Variants in SEMA5B observed in about 807,000 individuals in gnomAD.
SEMA5B encodes the protein semaphorin 5B, also known as semaphorin-5B.
Under a neutral mutation model 135.0 loss-of-function variants are expected in SEMA5B, and 66 were observed. The ratio of observed to expected loss-of-function variants is 0.49; its 90% CI spans 0.40 to 0.60. The LOEUF is 0.60. SEMA5B is among the 20% of genes least tolerant of loss of function. SEMA5B has a pLI of 0.00. For synonymous variants in SEMA5B, 690 were observed against 639.5 expected, an observed-to-expected ratio of 1.08 and a Z score of -1.19; for missense variants, 1,501 against 1,566.3, an observed-to-expected ratio of 0.96 and a Z score of 0.70.
At chr3:122,979,801 A>G (rs2107676110) in intron 1 of SEMA5B, among the ~76,000 whole-genome samples, 1 of 152,280 alleles carries the variant, frequency 6.6e-6, no homozygotes, top group Admixed American at 6.5e-5. Context: ...TTTTGGCCAA[A>G]CCAGCATACA....
At position 122,945,656 on chromosome 3, in the gene SEMA5B, C is replaced by T. The variant is rs577972865; in HGVS notation, c.329-2121G>A. On this transcript the variant is annotated intron_variant, in intron 3 of 22. Transcript: ENST00000357599. ...GCAAGCACCTTAATTTCCTCCTTCC[C>T]TTTCAACAAGGGCATTCCAGATGTA... Among the ~76,000 whole-genome samples, 6 of 152,264 alleles carry T rather than the reference C, an allele frequency of 3.9e-5. No homozygotes were observed. In the South Asian group the frequency reaches 1.2e-3, roughly 32 times the overall value.
chr3:122,972,730 T>C (rs905947808), intron 1 of SEMA5B, among the ~76,000 whole-genome samples: 6 of 152,168 alleles, frequency 3.9e-5, no homozygotes, highest in African/African-American at 1.4e-4. Context: ...CCCCTTCATG[T>C]GGATGGGTCC....
intron 1 of SEMA5B, among the ~76,000 whole-genome samples, chr3:122,972,714 G>A (rs1941172023): frequency 1.3e-5 from 2 of 152,168 alleles, no homozygotes; most frequent in African/African-American, 2.4e-5. Context: ...CAGGAATCAT[G>A]CAAATCCCCT....
intron 1 of SEMA5B, among the ~76,000 whole-genome samples, chr3:122,992,284 G>C (rs1304046380): frequency 1.3e-5 from 2 of 152,224 alleles, no homozygotes; most frequent in East Asian, 3.8e-4. Context: ...CAGGGCAAAA[G>C]CAGAAGGATC....
At chr3:122,994,658 C>A (rs758728542) in intron 1 of SEMA5B, among the ~76,000 whole-genome samples, 1 of 152,164 alleles carries the variant, frequency 6.6e-6, no homozygotes, top group Non-Finnish European at 1.5e-5. Context: ...ACCGCCTAGG[C>A]AGCTTACTAT....
chr3:123,017,112 A>G (rs2107814556), intron 1 of SEMA5B, among the ~76,000 whole-genome samples: 1 of 151,344 alleles, frequency 6.6e-6, no homozygotes, highest in East Asian at 2.0e-4. Context: ...GATGGTCTTG[A>G]TATCCTGACC....
chr3:122,966,451 G>A (rs1940823946), intron 1 of SEMA5B, among the ~76,000 whole-genome samples: 1 of 152,122 alleles, frequency 6.6e-6, no homozygotes, highest in Non-Finnish European at 1.5e-5. Flanking sequence ...GACTAGCTGG[G>A]TCACCTTAAG....
intron 18 of SEMA5B, 91 bp downstream of exon 18, chr3:122,912,752 T>C (rs1450346775): frequency 8.0e-7 from 1 of 1,245,214 alleles, no homozygotes; most frequent in African/African-American, 1.5e-5. Flanking sequence ...CACCTGGGCA[T>C]TGGGGTTCCT....
At chr3:122,994,731 T>C (rs754310532) in intron 1 of SEMA5B, among the ~76,000 whole-genome samples, 4 of 152,244 alleles carry the variant, frequency 2.6e-5, no homozygotes, top group Non-Finnish European at 5.9e-5. Context: ...ATCAATTGTG[T>C]GACCTTGAGC....
rs79113630 is a variant in SEMA5B, at chr3:122,923,463, C to G, written c.1272+154G>C. 2.6e-4 allele frequency among the ~76,000 whole-genome samples: 39 copies of G among 152,332 alleles called. No individual in the cohort carries two copies. The East Asian group carries it at 4.0e-3, about 16-fold the overall frequency. On this transcript the variant is annotated intron_variant, in intron 10 of 22. Coordinates refer to ENST00000357599, the MANE Select transcript of SEMA5B (RefSeq NM_001031702.4). ...CCTCACAGTTGTAGAGGCTAATACCCTCAGGGAACCATTGTGGACCCCAGA... is the reference window on the plus strand; with the variant it reads ...CCTCACAGTTGTAGAGGCTAATACCGTCAGGGAACCATTGTGGACCCCAGA...
chr3:123,009,533 C>CTGTG (rs57928598), intron 1 of SEMA5B, among the ~76,000 whole-genome samples: 8 of 151,336 alleles, frequency 5.3e-5, no homozygotes, highest in East Asian at 3.9e-4. Flanking sequence ...GTATGTGTGT[C>CTGTG]TGTGTGTGTG....
intron 1 of SEMA5B, among the ~76,000 whole-genome samples, chr3:123,016,026 T>G (rs1318320207): frequency 6.6e-6 from 1 of 152,144 alleles, no homozygotes; most frequent in Admixed American, 6.5e-5. Context: ...CCAGGTCCAC[T>G]GGAGGGAAGA....
At position 122,952,990 on chromosome 3, in the gene SEMA5B, C is replaced by G. The variant is rs193052662; in HGVS notation, c.125-4281G>C. The stretch of plus-strand genomic sequence containing the variant: ...GTTATCCCATATGGTTCCCAAACCC[C>G]CTTCCTACACCTTTGTAAACAGTTC... On this transcript the variant is annotated intron_variant, in intron 2 of 22. Transcript: ENST00000357599. Among the ~76,000 whole-genome samples, 6 of 152,322 alleles carry G rather than the reference C, an allele frequency of 3.9e-5. No homozygotes were observed. The East Asian group carries it at 9.6e-4, about 24-fold the overall frequency.
At chr3:123,011,127 C>G (rs976027954) in intron 1 of SEMA5B, among the ~76,000 whole-genome samples, 7 of 152,306 alleles carry the variant, frequency 4.6e-5, no homozygotes, top group Admixed American at 6.5e-5. Flanking sequence ...CCCCTTCCCC[C>G]CAAAGCTGCC....
intron 2 of SEMA5B, among the ~76,000 whole-genome samples, chr3:122,960,781 G>A (rs1156370086): frequency 6.6e-6 from 1 of 152,192 alleles, no homozygotes; most frequent in Non-Finnish European, 1.5e-5. Flanking sequence ...TCAAATCCAT[G>A]GAGACAGAAA....
intron 1 of SEMA5B, among the ~76,000 whole-genome samples, chr3:123,021,235 T>A (rs1444774080): frequency 2.6e-5 from 4 of 152,182 alleles, no homozygotes; most frequent in Non-Finnish European, 5.9e-5. Flanking sequence ...TCCTCTTCTG[T>A]CCTGCTTTCG....
intron 2 of SEMA5B, among the ~76,000 whole-genome samples, chr3:122,960,392 G>A (rs997835404): frequency 1.3e-5 from 2 of 152,192 alleles, no homozygotes; most frequent in Non-Finnish European, 2.9e-5. Flanking sequence ...AAATGGTACA[G>A]CCGCTATGTA....
intron 1 of SEMA5B, among the ~76,000 whole-genome samples, chr3:123,009,241 C>CG (rs1560440857): frequency 6.6e-6 from 1 of 152,138 alleles, no homozygotes; most frequent in East Asian, 1.9e-4. Flanking sequence ...GTGCAGGGAG[C>CG]GGGGGTTGAG....
At chr3:122,950,790 T>C (rs1448865572) in intron 2 of SEMA5B, among the ~76,000 whole-genome samples, 3 of 152,218 alleles carry the variant, frequency 2.0e-5, no homozygotes, top group Non-Finnish European at 4.4e-5. Flanking sequence ...AATGAGATTG[T>C]TCATTGTGCC....
Sources: gnomAD v4.1 joint callset for allele counts (sites outside exome capture counted in the v4.1 genomes callset) on GRCh38, gnomAD v4.1.1 for gene constraint, MANE v1.5 for transcripts, NCBI Gene and HGNC (gene_info 2026-07-23, HGNC 2026-07-21) for gene names.